Variants in EPHB2 observed in about 807,000 individuals in gnomAD.
The protein encoded by EPHB2 is EPH receptor B2.
A neutral mutation model predicts 96.4 loss-of-function variants in EPHB2; 18 were observed. That is an observed-to-expected ratio of 0.19 (90% CI 0.13 to 0.28). EPHB2 has a LOEUF of 0.28. Ranked by LOEUF, EPHB2 falls within the 10% of genes least tolerant of loss-of-function variation. The pLI, the probability that EPHB2 is intolerant of heterozygous loss-of-function variation, is 1.00. For missense variants in EPHB2, 989 were observed against 1,355.4 expected (o/e 0.73, Z 4.25); for synonymous variants, 506 against 534.1 (o/e 0.95, Z 0.72).
In EPHB2 at chr1:22,914,065, T is replaced by A; in HGVS notation, c.*495T>A. 1.5e-6 allele frequency: 1 copy of A among 681,324 alleles called. No homozygotes were observed. The allele number at this position is 681,324 out of a possible 1,614,324, so 42.2% of individuals were successfully genotyped here. A position where few individuals can be genotyped will look rare whatever the true frequency, so the allele number is the denominator to read the frequency against. On this transcript the variant is annotated 3_prime_UTR_variant, in exon 16 of 16. Transcript: ENST00000374630. ...AGGCCTCACTCAACAACCAAGCGCC[T>A]GGAGGACGGGACAGATGGACAGACA...
intron 1 of EPHB2, among the ~76,000 whole-genome samples, chr1:22,754,285 C>T (rs1644109836): frequency 6.6e-6 from 1 of 152,214 alleles, no homozygotes; most frequent in African/African-American, 2.4e-5. Context: ...CCATCTCAAG[C>T]CATGTTCTCA....
At chr1:22,884,375 G>A (rs6675651) in intron 6 of EPHB2, among the ~76,000 whole-genome samples, 72,774 of 151,298 alleles carry the variant, frequency 0.48, 17,810 homozygotes, top group Non-Finnish European at 0.5. Context: ...GCATGGTGGC[G>A]CACACCTGTA....
chr1:22,781,193 G>A (rs1484968318), intron 1 of EPHB2, among the ~76,000 whole-genome samples: 1 of 151,880 alleles, frequency 6.6e-6, no homozygotes, highest in African/African-American at 2.4e-5. Context: ...GGTTGGAGGC[G>A]CCTGTAGTCC....
chr1:22,820,291 A>T lies in EPHB2; in HGVS notation c.811+35215A>T, dbSNP rs373411518. Among the ~76,000 whole-genome samples the T allele has an allele frequency of 2.1e-3, 324 of 152,348 alleles. 2 individuals are homozygous for T. The highest frequency in any genetic ancestry group is 7.4e-3 in the African/African-American group (307 of 41,574). On this transcript the variant is annotated intron_variant, in intron 3 of 15. Transcript: ENST00000374630. ...ATGGTTCCCCTGAAAGCCAGAGAGC[A>T]ACAGGAGTGACAGCTTTCATGGGGC...
intron 3 of EPHB2, among the ~76,000 whole-genome samples, chr1:22,793,844 A>G (rs1478301606): frequency 4.6e-5 from 7 of 152,180 alleles, no homozygotes; most frequent in Non-Finnish European, 1.5e-5. Context: ...GCCCAAGGCC[A>G]CACAGCCACT....
intron 3 of EPHB2, among the ~76,000 whole-genome samples, chr1:22,840,517 A>G (rs1019761947): frequency 1.3e-5 from 2 of 152,152 alleles, no homozygotes; most frequent in African/African-American, 4.8e-5. Context: ...CTGGAGTGCA[A>G]CGATGTGACC....
chr1:22,762,219 C>T (rs988624956), intron 1 of EPHB2, among the ~76,000 whole-genome samples: 2 of 152,136 alleles, frequency 1.3e-5, no homozygotes, highest in African/African-American at 4.8e-5. Flanking sequence ...TGCTGGGGAC[C>T]CCCAATTCCA....
chr1:22,882,857 C>T, intron 6 of EPHB2: 1 of 324,608 alleles, frequency 3.1e-6, no homozygotes, highest in East Asian at 8.0e-5. Context: ...TAGTCACTCA[C>T]CTCTTCTTCG....
rs1035711185 is a variant in EPHB2 at position 22,863,303 on chromosome 1, G to A, written c.967+111G>A. On this transcript the variant is annotated intron_variant, in intron 4 of 15. Transcript: ENST00000374630. ...TCCGGTTACAGCCAGTCTTTCCCTG[G>A]TGGGAAGAGAAATGGAAAAGTGCTC... 5.8e-6 allele frequency: 9 copies of A among 1,545,752 alleles called. No individual in the cohort carries two copies. The Admixed American group carries it at 9.3e-5, about 16-fold the overall frequency.
rs115351065 is a variant in EPHB2, at chr1:22,723,039, G to A, written c.61+11996G>A. 3.8e-3 allele frequency among the ~76,000 whole-genome samples: 583 copies of A among 152,350 alleles called. 4 individuals are homozygous for A. The highest frequency in any genetic ancestry group is 0.013 in the African/African-American group (538 of 41,582). Reference sequence around the variant, plus strand: ...TGGGGCATGCCAAGCACTGGGGCGGGGTGCAAGCTGCCTGGCCCCAGCAGG... The same window carrying A: ...TGGGGCATGCCAAGCACTGGGGCGGAGTGCAAGCTGCCTGGCCCCAGCAGG... On this transcript the variant is annotated intron_variant, in intron 1 of 15. Coordinates refer to ENST00000374630, the MANE Select transcript of EPHB2 (RefSeq NM_017449.5).
chr1:22,722,749 G>A (rs1008805300), intron 1 of EPHB2, among the ~76,000 whole-genome samples: 1 of 152,228 alleles, frequency 6.6e-6, no homozygotes, highest in Non-Finnish European at 1.5e-5. Context: ...ACCATGCTAC[G>A]TTGGACCTCT....
intron 6 of EPHB2, among the ~76,000 whole-genome samples, chr1:22,884,581 C>T (rs1317047150): frequency 6.8e-6 from 1 of 146,464 alleles, no homozygotes; most frequent in Non-Finnish European, 1.5e-5. Flanking sequence ...GATCGCACCA[C>T]TGCACTCCAG....
intron 1 of EPHB2, among the ~76,000 whole-genome samples, chr1:22,774,856 A>C (rs1450170537): frequency 6.6e-6 from 1 of 152,182 alleles, no homozygotes; most frequent in African/African-American, 2.4e-5. Context: ...CCTCCCCTAC[A>C]TGTGGGCCCT....
At chr1:22,859,542 TC>T (rs1221111724) in intron 3 of EPHB2, among the ~76,000 whole-genome samples, 3 of 152,182 alleles carry the variant, frequency 2.0e-5, no homozygotes, top group African/African-American at 7.2e-5. Flanking sequence ...ATGTCTGTAA[TC>T]CCAGCACTTT....
At chr1:22,866,004 A>T (rs1377852935) in intron 5 of EPHB2, among the ~76,000 whole-genome samples, 6 of 151,570 alleles carry the variant, frequency 4.0e-5, no homozygotes, top group Non-Finnish European at 1.5e-5. Context: ...TTCTCTCTCT[A>T]GTCCCCACTC....
At chr1:22,896,579 G>A in intron 9 of EPHB2, 101 bp downstream of exon 9, 1 of 1,493,104 alleles carries the variant, frequency 6.7e-7, no homozygotes, top group South Asian at 1.1e-5. Flanking sequence ...CATGCTGCAG[G>A]CAGACAATGT....
rs1209699017 is a variant in EPHB2 at position 22,875,278 on chromosome 1, A to G, written c.1304-7081A>G. Among the ~76,000 whole-genome samples, 1 of 152,224 alleles carries G rather than the reference A, an allele frequency of 6.6e-6. No individual in the cohort carries two copies. The highest frequency in any genetic ancestry group is 1.9e-4 in the East Asian group (1 of 5,202). ...TTTAAGGGACAAACACTCAAAAAGCAGCTGTCCCATGATGAGCTGGGAATT... is the reference window on the plus strand; with the variant it reads ...TTTAAGGGACAAACACTCAAAAAGCGGCTGTCCCATGATGAGCTGGGAATT... On this transcript the variant is annotated intron_variant, in intron 5 of 15. Transcript: ENST00000374630. This position sits in a 1 kb window ranked among gnomAD's most constrained non-coding sequence, Gnocchi z 4.2.
chr1:22,749,823 TC>T (rs1265829924), intron 1 of EPHB2, among the ~76,000 whole-genome samples: 15 of 152,112 alleles, frequency 9.9e-5, no homozygotes, highest in Admixed American at 3.9e-4. Flanking sequence ...AGTCAGCTGG[TC>T]CCTGCCCTCA....
chr1:22,866,392 C>T (rs1638477986), intron 5 of EPHB2, among the ~76,000 whole-genome samples: 2 of 151,980 alleles, frequency 1.3e-5, no homozygotes, highest in African/African-American at 4.8e-5. Flanking sequence ...GGAAGTCTTC[C>T]TGGAGGAGGT....
Sources: gnomAD v4.1 joint callset for allele counts (sites outside exome capture counted in the v4.1 genomes callset) on GRCh38, gnomAD v4.1.1 for gene constraint, Gnocchi (gnomAD v3.1) non-coding constraint, MANE v1.5 for transcripts, NCBI Gene and HGNC (gene_info 2026-07-23, HGNC 2026-07-21) for gene names.